The following TEC variants were observed in gnomAD, a reference collection of about 807,000 sequenced individuals.
TEC encodes tyrosine-protein kinase Tec.
TEC carries 72 observed loss-of-function variants against 93.0 expected under a neutral mutation model. The ratio of observed to expected loss-of-function variants is 0.77; its 90% confidence interval spans 0.64 to 0.94. The LOEUF is 0.94. Ranked by LOEUF, TEC falls within the 40% of genes least tolerant of loss-of-function variation. TEC has a pLI of 0.00. For synonymous variants in TEC, 249 were observed against 247.7 expected (o/e 1.01, Z -0.05); for missense variants, 630 against 757.9 (o/e 0.83, Z 1.98).
At chr4:48,171,892 T>C (rs1490558559) in intron 3 of TEC, among the ~76,000 whole-genome samples, 1 of 152,244 alleles carries the variant, frequency 6.6e-6, no homozygotes, top group Non-Finnish European at 1.5e-5. Flanking sequence ...CTGTGTGCTT[T>C]ACAGACCTTA....
intron 2 of TEC, among the ~76,000 whole-genome samples, chr4:48,206,458 A>T (rs1458561235): frequency 6.6e-6 from 1 of 152,216 alleles, no homozygotes; most frequent in Non-Finnish European, 1.5e-5. Flanking sequence ...TTTAAAAACA[A>T]ATAAGAAAAG....
chr4:48,231,243 C>G (rs1482334803), intron 1 of TEC, among the ~76,000 whole-genome samples: 5 of 152,166 alleles, frequency 3.3e-5, no homozygotes, highest in African/African-American at 4.8e-5. Flanking sequence ...TCAGTAGCAG[C>G]TAAACCACAG....
chr4:48,163,828 A>AAAGG (rs1720771328), intron 7 of TEC, 61 bp from the exon 8 acceptor site: 2 of 909,536 alleles, frequency 2.2e-6, no homozygotes, highest in Non-Finnish European at 3.3e-6. Flanking sequence ...TGAAAGAAAG[A>AAAGG]AAGATTATTG....
At chr4:48,142,377 G>T (rs1233195495) in intron 14 of TEC, among the ~76,000 whole-genome samples, 1 of 152,162 alleles carries the variant, frequency 6.6e-6, no homozygotes, top group Non-Finnish European at 1.5e-5. Flanking sequence ...AGGACTGGAG[G>T]CAGGAGAATT....
At chr4:48,217,106 AT>A (rs113196778) in intron 2 of TEC, among the ~76,000 whole-genome samples, 4,620 of 147,704 alleles carry the variant, frequency 0.031, 92 homozygotes, top group Non-Finnish European at 0.04. Context: ...GTAACAAGTG[AT>A]TTTTTTTTTT....
At chr4:48,248,154 G>A (rs181007241) in intron 1 of TEC, among the ~76,000 whole-genome samples, 6 of 152,296 alleles carry the variant, frequency 3.9e-5, no homozygotes, top group Admixed American at 6.5e-5. Context: ...CAGAAGCACT[G>A]GAAGTTCTAT....
intron 14 of TEC, chr4:48,141,685 CTTT>C (rs377475900): frequency 8.3e-4 from 169 of 202,832 alleles, no homozygotes; most frequent in Middle Eastern, 1.7e-3. Flanking sequence ...TCTTTTCTTT[CTTT>C]TTTTTTTTTT....
intron 2 of TEC, among the ~76,000 whole-genome samples, chr4:48,218,736 A>C (rs1176004199): frequency 1.3e-5 from 2 of 152,204 alleles, no homozygotes; most frequent in Non-Finnish European, 2.9e-5. Context: ...CCAGGTTCCC[A>C]GGATTGGTCA....
At chr4:48,170,596 C>T (rs996346921) in intron 4 of TEC, among the ~76,000 whole-genome samples, 2 of 152,302 alleles carry the variant, frequency 1.3e-5, no homozygotes, top group African/African-American at 4.8e-5. Context: ...ATGACTGCTG[C>T]TACACCAATG....
At chr4:48,200,318 A>G (rs548466208) in intron 2 of TEC, among the ~76,000 whole-genome samples, 1 of 152,310 alleles carries the variant, frequency 6.6e-6, no homozygotes, top group East Asian at 1.9e-4. Flanking sequence ...ATCAATGTGG[A>G]CAGGCTGGCA....
intron 1 of TEC, among the ~76,000 whole-genome samples, chr4:48,235,501 T>C (rs900577357): frequency 6.6e-6 from 1 of 152,148 alleles, no homozygotes; most frequent in Non-Finnish European, 1.5e-5. Flanking sequence ...AGGAAGAGAA[T>C]CCCATCTTCA....
At chr4:48,201,003 T>C (rs948789183) in intron 2 of TEC, among the ~76,000 whole-genome samples, 1 of 152,230 alleles carries the variant, frequency 6.6e-6, no homozygotes. Context: ...GTGTGGTACA[T>C]AGCATAACCC....
chr4:48,221,378 G>A (rs1373273776), intron 2 of TEC, among the ~76,000 whole-genome samples: 2 of 152,102 alleles, frequency 1.3e-5, no homozygotes, highest in Non-Finnish European at 2.9e-5. Context: ...GTTTTATAAG[G>A]GGCTTTTCCC....
chr4:48,180,979 G>A lies in TEC; in HGVS notation c.139-4793C>T, dbSNP rs1721560430. Among the ~76,000 whole-genome samples, 3 of 152,182 alleles carry A rather than the reference G, an allele frequency of 2.0e-5. No individual in the cohort carries two copies. In the South Asian group the frequency reaches 6.2e-4, roughly 32 times the overall value. On this transcript the variant is annotated intron_variant, in intron 2 of 17. Coordinates refer to ENST00000381501, the MANE Select transcript of TEC (RefSeq NM_003215.3). ...AAAAGCAAAGACACCAGATAATTTA[G>A]AAGGCAGAGTTCACAAAACTTTGTG...
Position 48,156,755 on chromosome 4 carries a change from A to T in TEC, c.738-21T>A. The T allele has an allele frequency of 1.9e-6, 3 of 1,586,274 alleles. No homozygotes were observed. The South Asian group carries it at 3.5e-5, about 19-fold the overall frequency. On this transcript the variant is annotated intron_variant, in intron 8 of 17. Transcript: ENST00000381501. Reference sequence around the variant, plus strand: ...ACCATCTGAACAGAAAAAACAATACATTTCAGGCCTCAGGTTTTTAGGATA... The same window carrying T: ...ACCATCTGAACAGAAAAAACAATACTTTTCAGGCCTCAGGTTTTTAGGATA...
intron 1 of TEC, 79 bp from the exon 2 acceptor site, chr4:48,228,738 G>T (rs1723561262): frequency 1.6e-6 from 2 of 1,250,910 alleles, no homozygotes; most frequent in Non-Finnish European, 1.1e-6. Context: ...ACCAAAATCA[G>T]CTTCACCCTC....
In TEC at chr4:48,176,286, A is replaced by G. The variant is rs115398960; in HGVS notation, c.139-100T>C. ...TTTTGCTCTGATTCAAAATATTGCA[A>G]TTTCTTTAAAATTATCTAAATCATG... On this transcript the variant is annotated intron_variant, in intron 2 of 17. Transcript: ENST00000381501. The G allele has an allele frequency of 2.2e-3, 1,746 of 796,908 alleles. 23 individuals are homozygous for G. The African/African-American group carries it at 0.026, about 12-fold the overall frequency. 49.4% of individuals were successfully genotyped at this position (796,908 alleles called of 1,614,324 possible).
At chr4:48,171,870 G>A (rs75570340) in intron 3 of TEC, among the ~76,000 whole-genome samples, 2,032 of 152,286 alleles carry the variant, frequency 0.013, 45 homozygotes, top group African/African-American at 0.043. Flanking sequence ...CACCGACTAC[G>A]CCAGCACTGT....
chr4:48,185,274 T>C (rs1023454297), intron 2 of TEC, among the ~76,000 whole-genome samples: 1 of 152,246 alleles, frequency 6.6e-6, no homozygotes, highest in Admixed American at 6.5e-5. Context: ...ATACATGTAG[T>C]CTTTTCCCTT....
Sources: allele counts gnomAD v4.1 joint callset (sites outside exome capture counted in the v4.1 genomes callset), GRCh38; gene constraint gnomAD v4.1.1; transcripts MANE v1.5; gene names NCBI Gene and HGNC (gene_info 2026-07-23, HGNC 2026-07-21).